Variants in CSGALNACT1 observed in about 807,000 individuals in gnomAD.
CSGALNACT1 encodes the protein beta4GalNAcT-1.
In CSGALNACT1, 52 loss-of-function variants were observed where a neutral mutation model predicts 51.0. That is an observed-to-expected ratio of 1.02 (90% CI 0.82 to 1.29). The LOEUF is 1.29. Among genes scored for constraint, CSGALNACT1 ranks in the 50% most tolerant of loss-of-function variants. The pLI, the probability that CSGALNACT1 is intolerant of heterozygous loss-of-function variation, is 0.00. For synonymous variants in CSGALNACT1, 341 were observed against 254.4 expected (o/e 1.34, Z -3.24); for missense variants, 935 against 679.2 (o/e 1.38, Z -4.19).
intron 1 of CSGALNACT1, among the ~76,000 whole-genome samples, chr8:19,742,274 C>T (rs971768689): frequency 1.3e-5 from 2 of 152,212 alleles, no homozygotes; most frequent in Non-Finnish European, 2.9e-5. Flanking sequence ...GCTGGTCTAA[C>T]CCAGACATCT....
chr8:19,436,317 G>A (rs1444568633), intron 6 of CSGALNACT1, among the ~76,000 whole-genome samples: 5 of 152,140 alleles, frequency 3.3e-5, no homozygotes, highest in Admixed American at 3.3e-4. Context: ...ATATTAGAGT[G>A]AACAGGTGGT....
intron 1 of CSGALNACT1, among the ~76,000 whole-genome samples, chr8:19,654,611 G>A (rs4922076): frequency 2.0e-5 from 3 of 151,918 alleles, no homozygotes; most frequent in Admixed American, 1.3e-4. Flanking sequence ...GTGTTGTGAT[G>A]TCAGCTCACT....
intron 3 of CSGALNACT1, among the ~76,000 whole-genome samples, chr8:19,519,059 G>A (rs765112084): frequency 3.3e-5 from 5 of 152,130 alleles, no homozygotes; most frequent in Non-Finnish European, 2.9e-5. Context: ...ACCAGCTGAT[G>A]GTTTTAAAAC....
chr8:19,661,723 T>G (rs909578008), intron 1 of CSGALNACT1, among the ~76,000 whole-genome samples: 1 of 152,192 alleles, frequency 6.6e-6, no homozygotes, highest in African/African-American at 2.4e-5. Flanking sequence ...ATATGGCCAT[T>G]CCTTTCCATG....
intron 1 of CSGALNACT1, among the ~76,000 whole-genome samples, chr8:19,710,015 G>A (rs754784760): frequency 6.6e-6 from 1 of 152,166 alleles, no homozygotes; most frequent in Non-Finnish European, 1.5e-5. Flanking sequence ...TCACAGCTTG[G>A]AAGGAGGCAA....
chr8:19,459,689 A>C (rs1216910987), intron 4 of CSGALNACT1, among the ~76,000 whole-genome samples: 1 of 152,170 alleles, frequency 6.6e-6, no homozygotes, highest in African/African-American at 2.4e-5. Context: ...TGCTTTGAAA[A>C]ATTACTTCAT....
intron 3 of CSGALNACT1, among the ~76,000 whole-genome samples, chr8:19,557,980 A>G (rs1416077683): frequency 1.3e-5 from 2 of 152,226 alleles, no homozygotes; most frequent in Non-Finnish European, 2.9e-5. Context: ...TGAAAACATA[A>G]ACAAGTAAAC....
intron 3 of CSGALNACT1, among the ~76,000 whole-genome samples, chr8:19,540,535 C>G (rs1319133295): frequency 6.6e-6 from 1 of 152,120 alleles, no homozygotes; most frequent in East Asian, 1.9e-4. Context: ...TTAGCAGAGA[C>G]CCTTATGTAT....
chr8:19,417,142 A>G (rs2057048590), intron 8 of CSGALNACT1, among the ~76,000 whole-genome samples: 1 of 152,220 alleles, frequency 6.6e-6, no homozygotes, highest in South Asian at 2.1e-4. Context: ...GACATGAGCC[A>G]CCAAACCCAG....
In CSGALNACT1 at chr8:19,459,552, C is replaced by T. The variant is rs538158297; in HGVS notation, c.635-910G>A. ...AAAATAACACATAAAATATTCAGTA[C>T]AGTGGTATCAATACATGATATTTAG... On this transcript the variant is annotated intron_variant, in intron 4 of 9. Coordinates refer to ENST00000454498, the Ensembl canonical transcript of CSGALNACT1. Among the ~76,000 whole-genome samples, 77 of 152,156 alleles carry T rather than the reference C, an allele frequency of 5.1e-4. No individual in the cohort carries two copies. In the South Asian group the frequency reaches 0.016, roughly 31 times the overall value.
chr8:19,574,687 G>A (rs17128665), intron 3 of CSGALNACT1, among the ~76,000 whole-genome samples: 22,960 of 152,014 alleles, frequency 0.15, 1,812 homozygotes, highest in Middle Eastern at 0.21. Flanking sequence ...GAGCCCTACT[G>A]CCATTCCACA....
chr8:19,543,853 G>C (rs2085839936), intron 3 of CSGALNACT1, among the ~76,000 whole-genome samples: 1 of 152,080 alleles, frequency 6.6e-6, no homozygotes, highest in Non-Finnish European at 1.5e-5. Context: ...GATGGCCTTG[G>C]GGACCCCTGA....
At chr8:19,467,011 G>A (rs929757593) in intron 4 of CSGALNACT1, among the ~76,000 whole-genome samples, 3 of 151,612 alleles carry the variant, frequency 2.0e-5, no homozygotes, top group African/African-American at 7.3e-5. Context: ...TGTCATAGAT[G>A]CAGGCTGACA....
At chr8:19,634,451 A>G (rs1047151741) in intron 1 of CSGALNACT1, among the ~76,000 whole-genome samples, 2 of 152,118 alleles carry the variant, frequency 1.3e-5, no homozygotes, top group Non-Finnish European at 2.9e-5. Flanking sequence ...CATTTGAGCC[A>G]AAGAGTTCCA....
intron 1 of CSGALNACT1, among the ~76,000 whole-genome samples, chr8:19,621,400 T>C (rs2053808454): frequency 6.6e-6 from 1 of 152,216 alleles, no homozygotes; most frequent in Admixed American, 6.5e-5. Flanking sequence ...TATACAATTA[T>C]TGTATCTATA....
intron 1 of CSGALNACT1, among the ~76,000 whole-genome samples, chr8:19,741,398 A>T (rs1367347142): frequency 6.6e-6 from 1 of 152,114 alleles, no homozygotes; most frequent in Non-Finnish European, 1.5e-5. Flanking sequence ...TCCCGTCTCT[A>T]CTAAAAATAC....
exon 2 of CSGALNACT1, chr8:19,601,824 G>C: frequency 2.2e-6 from 1 of 454,022 alleles, no homozygotes; most frequent in South Asian, 1.6e-5. Context: ...GCTCCTCTGG[G>C]TCAAAATTAC....
chr8:19,611,877 C>T (rs2052317478), intron 1 of CSGALNACT1, among the ~76,000 whole-genome samples: 1 of 151,980 alleles, frequency 6.6e-6, no homozygotes, highest in African/African-American at 2.4e-5. Context: ...TGGTCAAGTC[C>T]TCACTGATGA....
At chr8:19,436,192 G>A (rs1375634623) in intron 6 of CSGALNACT1, among the ~76,000 whole-genome samples, 1 of 152,186 alleles carries the variant, frequency 6.6e-6, no homozygotes, top group East Asian at 1.9e-4. Context: ...CATGCATTTA[G>A]CTGGATTTAA....
Sources: gnomAD v4.1 joint callset for allele counts (sites outside exome capture counted in the v4.1 genomes callset) on GRCh38, gnomAD v4.1.1 for gene constraint, MANE v1.5 for transcripts, NCBI Gene and HGNC (gene_info 2026-07-23, HGNC 2026-07-21) for gene names.